Variants in PPA1 observed in about 807,000 individuals in gnomAD.
PPA1 encodes the protein inorganic pyrophosphatase.
Under a neutral mutation model 41.8 loss-of-function variants are expected in PPA1, and 23 were observed. That is an observed-to-expected ratio of 0.55 (90% CI 0.40 to 0.78). The LOEUF (loss-of-function observed/expected upper bound fraction) is 0.78, where lower values mean the gene tolerates loss of function less well. PPA1 is among the 30% of genes least tolerant of loss of function. PPA1 has a pLI of 0.00. For missense variants in PPA1, 320 were observed against 361.6 expected, an observed-to-expected ratio of 0.89 and a Z score of 0.93; for synonymous variants, 101 against 116.8, an observed-to-expected ratio of 0.86 and a Z score of 0.87.
chr10:70,204,542 G>A (rs911364193), intron 10 of PPA1: 36 of 213,318 alleles, frequency 1.7e-4, no homozygotes, highest in Non-Finnish European at 3.1e-4. Context: ...GAAAGGGCAG[G>A]CGATGGTCAA....
intron 2 of PPA1, among the ~76,000 whole-genome samples, chr10:70,223,577 C>G (rs993738887): frequency 1.3e-5 from 2 of 152,064 alleles, no homozygotes; most frequent in Admixed American, 6.6e-5. Flanking sequence ...TACTAAAGAA[C>G]AACCTTCTTC....
In PPA1 at chr10:70,221,059, TATATATATATATATA is replaced by T. The variant is rs1840157836; in HGVS notation, c.124-2257_124-2243del. 1.6e-4 allele frequency among the ~76,000 whole-genome samples: 2 copies of T among 12,726 alleles called. 1 individual carries two copies. The highest frequency in any genetic ancestry group is 2.2e-3 in the African/African-American group (2 of 910). 8.3% of individuals were successfully genotyped at this position (12,726 alleles called of 152,430 possible). A position where few individuals can be genotyped will look rare whatever the true frequency, so the allele number is the denominator to read the frequency against. On this transcript the variant is annotated intron_variant, in intron 2 of 10. Transcript: ENST00000373232. ...ATATAAATTATATATATATATAATT[TATATATATATATATA>T]TATTTTTTTTTTTTTTTTTTTGTAG...
At chr10:70,220,040 G>C (rs751536872) in intron 2 of PPA1, among the ~76,000 whole-genome samples, 1 of 151,344 alleles carries the variant, frequency 6.6e-6, no homozygotes, top group African/African-American at 2.4e-5. Flanking sequence ...TGATTCTACT[G>C]TCTCAGCCTC....
At chr10:70,209,800 T>G in intron 6 of PPA1, 115 bp from the exon 7 acceptor site, 1 of 1,242,960 alleles carries the variant, frequency 8.0e-7, no homozygotes, top group East Asian at 2.4e-5. Flanking sequence ...AAATTCCAAG[T>G]ACTTATTTTG....
Position 70,213,471 on chromosome 10 carries a change from T to C in PPA1, c.503A>G (p.Asn168Ser). 6.2e-7 allele frequency: 1 copy of C among 1,613,974 alleles called. No homozygotes were observed. The highest frequency in any genetic ancestry group is 8.5e-7 in the Non-Finnish European group (1 of 1,179,876). ...AINVDDPDAA[N>S]YNDINDVKRL... is the part of the protein sequence containing the mutation. ...TTTTCAAATTTTCTTACCATTATAA[T>C]TGGCTGCATCAGGATCATCCACATT... is the stretch of plus-strand genomic sequence containing the variant. The change falls in exon 6 of 11, where the codon AAT becomes AGT. Residue 168 changes from asparagine to serine, a missense_variant. Transcript: ENST00000373232.
At chr10:70,212,721 A>G (rs1840034573) in intron 6 of PPA1, among the ~76,000 whole-genome samples, 1 of 152,100 alleles carries the variant, frequency 6.6e-6, no homozygotes, top group Non-Finnish European at 1.5e-5. Context: ...GAATGACTTG[A>G]ACTAGTGGTG....
At chr10:70,225,793 CT>C (rs1483177309) in intron 2 of PPA1, among the ~76,000 whole-genome samples, 1 of 152,044 alleles carries the variant, frequency 6.6e-6, no homozygotes. Flanking sequence ...TCCAAGAATA[CT>C]TTATCTTATT....
At position 70,233,256 on chromosome 10, in the gene PPA1, A is replaced by C; in HGVS notation, c.64+8T>G. On this transcript the variant is annotated splice_region_variant and intron_variant, in intron 1 of 10. Transcript: ENST00000373232. ...GGCGCGGAGGGGCCACGGGCCGCAG[A>C]CACTCACTGAGGAAGACTCGGTACT... 1 of 1,537,228 alleles carries C rather than the reference A, an allele frequency of 6.5e-7. No homozygotes were observed. The highest frequency in any genetic ancestry group is 8.8e-7 in the Non-Finnish European group (1 of 1,142,354).
chr10:70,208,823 C>T (rs527462792), intron 8 of PPA1, among the ~76,000 whole-genome samples: 13 of 147,154 alleles, frequency 8.8e-5, no homozygotes, highest in South Asian at 2.1e-4. Context: ...GACCGAGTCT[C>T]GCTCTGTCGC....
intron 8 of PPA1, among the ~76,000 whole-genome samples, chr10:70,208,752 T>A (rs543886930): frequency 6.6e-6 from 1 of 152,042 alleles, no homozygotes; most frequent in African/African-American, 2.4e-5. Context: ...AATAGAAGAT[T>A]TCTGGGAGAA....
rs1340149591 is a variant in PPA1, at chr10:70,213,450, C to CA, written c.511+12dup. 4 of 1,613,284 alleles carry CA rather than the reference C, an allele frequency of 2.5e-6. No individual in the cohort carries two copies. The highest frequency in any genetic ancestry group is 1.7e-6 in the Non-Finnish European group (2 of 1,179,570). On this transcript the variant is annotated intron_variant, in intron 6 of 10. Transcript: ENST00000373232. ...TTAATTAGAAAGACTTCAGACTTTT[C>CA]AAATTTTCTTACCATTATAATTGGC...
At chr10:70,218,388 A>G (rs7072230) in intron 3 of PPA1, 49,247 of 194,264 alleles carry the variant, frequency 0.25, 7,529 homozygotes, top group Non-Finnish European at 0.33. Flanking sequence ...CAAAAAGGCA[A>G]TGATGGTAGG....
intron 1 of PPA1, among the ~76,000 whole-genome samples, chr10:70,232,008 C>A (rs745486640): frequency 9.2e-5 from 14 of 152,300 alleles, no homozygotes; most frequent in South Asian, 2.1e-4. Context: ...GAAAAACAGT[C>A]CCATGAATTA....
chr10:70,233,242 GC>G, intron 1 of PPA1, 21 bp downstream of exon 1: 1 of 1,531,106 alleles, frequency 6.5e-7, no homozygotes, highest in South Asian at 1.2e-5. Context: ...GCGCGGAGGG[GC>G]CACGGGCCGC....
chr10:70,221,055 A>ATTTTTATAT (rs1232241016), intron 2 of PPA1, among the ~76,000 whole-genome samples: 2 of 41,674 alleles, frequency 4.8e-5, no homozygotes, highest in African/African-American at 4.5e-4. Flanking sequence ...ATATATATAT[A>ATTTTTATAT]ATTTATATAT....
At chr10:70,203,410 T>C (rs1229452272) in intron 10 of PPA1, among the ~76,000 whole-genome samples, 1 of 152,190 alleles carries the variant, frequency 6.6e-6, no homozygotes, top group Non-Finnish European at 1.5e-5. Flanking sequence ...CAAACTTTTT[T>C]TTTTAATTTC....
intron 2 of PPA1, among the ~76,000 whole-genome samples, chr10:70,227,323 T>C (rs939919420): frequency 6.6e-6 from 1 of 152,226 alleles, no homozygotes; most frequent in African/African-American, 2.4e-5. Context: ...GATTACCTAA[T>C]GGCATATGCC....
intron 2 of PPA1, among the ~76,000 whole-genome samples, chr10:70,224,008 G>A (rs1259811689): frequency 1.3e-5 from 2 of 152,156 alleles, no homozygotes; most frequent in Non-Finnish European, 2.9e-5. Context: ...AGTCTCCCTA[G>A]AGGGATGATT....
intron 2 of PPA1, among the ~76,000 whole-genome samples, chr10:70,224,003 C>T (rs752388600): frequency 6.6e-6 from 1 of 152,114 alleles, no homozygotes; most frequent in Non-Finnish European, 1.5e-5. Context: ...AGTTAAGTCT[C>T]CCTAGAGGGA....
Sources: gnomAD v4.1 joint callset for allele counts (sites outside exome capture counted in the v4.1 genomes callset) on GRCh38, gnomAD v4.1.1 for gene constraint, MANE v1.5 for transcripts, NCBI Gene and HGNC (gene_info 2026-07-23, HGNC 2026-07-21) for gene names.